Variants in COL6A6 observed in about 807,000 individuals in gnomAD.
The protein encoded by COL6A6 is collagen type VI alpha 6 chain.
Under a neutral mutation model 208.6 loss-of-function variants are expected in COL6A6, and 183 were observed. That is an observed-to-expected ratio of 0.88 (90% CI 0.78 to 0.99). The LOEUF is 0.99. Ranked by LOEUF, COL6A6 falls within the 50% of genes least tolerant of loss-of-function variation. The probability of loss-of-function intolerance (pLI) is 0.00; values close to 1 mark genes in which losing one functional copy is unlikely to be tolerated. For missense variants in COL6A6, 2,816 were observed against 2,815.2 expected (o/e 1.00, Z -0.01); for synonymous variants, 973 against 1,011.8 (o/e 0.96, Z 0.73).
intron 22 of COL6A6, among the ~76,000 whole-genome samples, chr3:130,610,341 TTCTA>T (rs2064318081): frequency 6.6e-6 from 1 of 152,230 alleles, no homozygotes; most frequent in South Asian, 2.1e-4. Flanking sequence ...ATATTTTTCT[TTCTA>T]ACAAGAGAAA....
At chr3:130,635,858 G>A (rs1559771498) in intron 28 of COL6A6, 97 bp downstream of exon 28, 4 of 912,724 alleles carry the variant, frequency 4.4e-6, no homozygotes, top group Non-Finnish European at 6.9e-6. Context: ...TGTTACCAGT[G>A]ACTTGCAAAA....
chr3:130,535,254 G>A (rs551074132), intron 1 of COL6A6, among the ~76,000 whole-genome samples: 2 of 152,012 alleles, frequency 1.3e-5, no homozygotes, highest in South Asian at 2.1e-4. Flanking sequence ...TGTTTTAAAT[G>A]TTCTATATAA....
At position 130,582,431 on chromosome 3, in the gene COL6A6, A is replaced by G. The variant is rs573021356; in HGVS notation, c.3970+363A>G. Among the ~76,000 whole-genome samples the G allele has an allele frequency of 4.6e-5, 7 of 152,294 alleles. No individual in the cohort carries two copies. In the East Asian group the frequency reaches 7.7e-4, roughly 17 times the overall value. Reference sequence around the variant, plus strand: ...GAGAAGAGTATATTTCTCCTTGACCAGGGAATGAGAGTCAGTTTTCTTCTA... The same window carrying G: ...GAGAAGAGTATATTTCTCCTTGACCGGGGAATGAGAGTCAGTTTTCTTCTA... On this transcript the variant is annotated intron_variant, in intron 10 of 36. Transcript: ENST00000358511.
At chr3:130,525,538 C>T (rs776024058) in intron 1 of COL6A6, among the ~76,000 whole-genome samples, 21 of 152,162 alleles carry the variant, frequency 1.4e-4, no homozygotes, top group Admixed American at 4.6e-4. Context: ...TCTCACAAAT[C>T]GTTTCAAGTA....
At chr3:130,584,553 T>A (rs780525053) in intron 10 of COL6A6, among the ~76,000 whole-genome samples, 3 of 152,118 alleles carry the variant, frequency 2.0e-5, no homozygotes, top group Non-Finnish European at 4.4e-5. Context: ...GAGGACAAAT[T>A]GTCACCCTAT....
At chr3:130,638,450 G>A (rs142386189) in intron 28 of COL6A6, among the ~76,000 whole-genome samples, 3 of 152,256 alleles carry the variant, frequency 2.0e-5, no homozygotes, top group Non-Finnish European at 2.9e-5. Context: ...ATGGAGGTTC[G>A]TCTGTGGCTG....
At chr3:130,531,143 C>A (rs1327129424) in intron 1 of COL6A6, among the ~76,000 whole-genome samples, 1 of 151,260 alleles carries the variant, frequency 6.6e-6, no homozygotes, top group African/African-American at 2.4e-5. Context: ...GCTGGAGAAC[C>A]CTAATTCAAT....
rs1415040753 is a variant in COL6A6, at chr3:130,593,379, T to C, written c.4470+127T>C. The C allele has an allele frequency of 4.1e-6, 3 of 731,156 alleles. No individual in the cohort carries two copies. In the East Asian group the frequency reaches 8.0e-5, roughly 19 times the overall value. 45.3% of individuals were successfully genotyped at this position (731,156 alleles called of 1,614,324 possible). The stretch of plus-strand genomic sequence containing the variant: ...TGACAGTCATAAAACCTCAATCACA[T>C]ACAACGATGAACATTTATTTCTTAT... On this transcript the variant is annotated intron_variant, in intron 17 of 36. Transcript: ENST00000358511.
chr3:130,634,773 A>G, intron 27 of COL6A6, 148 bp downstream of exon 27: 2 of 591,266 alleles, frequency 3.4e-6, no homozygotes, highest in South Asian at 5.4e-5. Flanking sequence ...ATAGACCAAT[A>G]TTTTTTCAAT....
intron 20 of COL6A6, among the ~76,000 whole-genome samples, chr3:130,603,866 C>T (rs1388595517): frequency 6.6e-6 from 1 of 151,820 alleles, no homozygotes. Context: ...GAAATTGGGC[C>T]CTGTAAACAA....
At position 130,566,742 on chromosome 3, in the gene COL6A6, C is replaced by T. The variant is rs373909064; in HGVS notation, c.1323C>T (p.Ile441=). The change falls in exon 5 of 37, where the codon ATC becomes ATT. Residue 441 remains isoleucine (I), a synonymous_variant. Transcript: ENST00000358511. ...AGGAAGCAGACATCTATCTGCTTAT[C>T]GATGGCTCAGGGAGCACCCAGGCCA... is the stretch of plus-strand genomic sequence containing the variant. The part of the protein sequence containing the change: ...DTEEADIYLL[I]DGSGSTQATD... The T allele has an allele frequency of 4.3e-5, 69 of 1,613,452 alleles. No individual in the cohort carries two copies. Among genetic ancestry groups the T allele is most frequent in the Admixed American group, 6.7e-5 (4 of 59,976 alleles).
chr3:130,589,873 G>A (rs186249663), intron 12 of COL6A6: 1 of 292,886 alleles, frequency 3.4e-6, no homozygotes, highest in African/African-American at 2.2e-5. Flanking sequence ...TTTTATTTTT[G>A]AATAATTTAT....
rs370939904 is a variant in COL6A6, at chr3:130,662,213, C to G, written c.6407C>G (p.Pro2136Arg). ...GAACTGGAGGATCTCGCCAGCCACC[C>G]TTTGGATCACCACCTGGTCCAGCTT... ...DKELEDLASH[P>R]LDHHLVQLGR... is the part of the protein sequence containing the mutation. Residue 2136 changes from proline to arginine, a missense_variant, in exon 35 of 37, where the codon CCT (proline) becomes CGT (arginine). Coordinates refer to ENST00000358511, the MANE Select transcript of COL6A6 (RefSeq NM_001102608.3). The G allele has an allele frequency of 1.3e-5, 21 of 1,613,884 alleles. No homozygotes were observed. In the African/African-American group the frequency reaches 2.7e-4, roughly 21 times the overall value.
intron 1 of COL6A6, among the ~76,000 whole-genome samples, chr3:130,520,459 G>C (rs1419896953): frequency 1.3e-5 from 2 of 152,062 alleles, no homozygotes; most frequent in Admixed American, 1.3e-4. Context: ...CCAAGGCCTT[G>C]GCATGGAAAT....
At chr3:130,598,340 T>C (rs760111075) in intron 18 of COL6A6, 25 bp from the exon 19 acceptor site, 1 of 1,468,748 alleles carries the variant, frequency 6.8e-7, no homozygotes, top group African/African-American at 1.4e-5. Flanking sequence ...ATATATTAAT[T>C]TTTCTCTTTA....
intron 27 of COL6A6, among the ~76,000 whole-genome samples, 181 bp from the exon 28 acceptor site, chr3:130,635,518 C>T (rs536614618): frequency 7.5e-4 from 114 of 152,128 alleles, no homozygotes; most frequent in Non-Finnish European, 1.1e-3. Context: ...ACAATGCTGA[C>T]GCAGTGTGCT....
intron 31 of COL6A6, among the ~76,000 whole-genome samples, chr3:130,644,393 T>G (rs1020538814): frequency 6.6e-6 from 1 of 152,240 alleles, no homozygotes; most frequent in Non-Finnish European, 1.5e-5. Flanking sequence ...ACTGAGAAGC[T>G]GAATTTTTAT....
At chr3:130,559,946 T>C (rs754426396) in intron 1 of COL6A6, among the ~76,000 whole-genome samples, 4 of 152,194 alleles carry the variant, frequency 2.6e-5, no homozygotes, top group Non-Finnish European at 4.4e-5. Flanking sequence ...GATGGCGAGA[T>C]TATGAAATAG....
Position 130,661,638 on chromosome 3 carries a change from T to C in COL6A6, c.5832T>C (p.Asp1944=), listed in dbSNP as rs1288959196. 11 of 1,602,128 alleles carry C rather than the reference T, an allele frequency of 6.9e-6. No individual in the cohort carries two copies. The highest frequency in any genetic ancestry group is 9.4e-6 in the Non-Finnish European group (11 of 1,173,994). ...CCCAGAGTAACTTTTGGTTCACAGATGTGTGCAAGCCAGATGCTTCTTGTG... is the reference window on the plus strand; with the variant it reads ...CCCAGAGTAACTTTTGGTTCACAGACGTGTGCAAGCCAGATGCTTCTTGTG... The part of the protein sequence containing the change: ...ERLQRCTFCY[D]VCKPDASCDQ... The change falls in exon 35 of 37, where the codon GAT becomes GAC. Residue 1944 remains aspartate, a splice_region_variant and synonymous_variant. Coordinates refer to ENST00000358511, the MANE Select transcript of COL6A6 (RefSeq NM_001102608.3).
Sources: allele counts gnomAD v4.1 joint callset (sites outside exome capture counted in the v4.1 genomes callset), GRCh38; gene constraint gnomAD v4.1.1; transcripts MANE v1.5; gene names NCBI Gene and HGNC (gene_info 2026-07-23, HGNC 2026-07-21).